GALNT18: variants seen among roughly 807,000 people sequenced by gnomAD.
GALNT18 encodes polypeptide N-acetylgalactosaminyltransferase 18, also known as GalNAc-transferase 18.
Under a neutral mutation model 69.5 loss-of-function variants are expected in GALNT18, and 44 were observed. The ratio of observed to expected loss-of-function variants is 0.63; its 90% CI spans 0.50 to 0.81. The LOEUF (loss-of-function observed/expected upper bound fraction) is 0.81, where lower values mean the gene tolerates loss of function less well. GALNT18 is among the 40% of genes least tolerant of loss of function. The probability of loss-of-function intolerance (pLI) is 0.00; values close to 1 mark genes in which losing one functional copy is unlikely to be tolerated. For synonymous variants in GALNT18, 364 were observed against 318.2 expected, an observed-to-expected ratio of 1.14 and a Z score of -1.53; for missense variants, 715 against 810.0, an observed-to-expected ratio of 0.88 and a Z score of 1.42.
intron 2 of GALNT18, among the ~76,000 whole-genome samples, chr11:11,441,687 G>A (rs1855534514): frequency 6.6e-6 from 1 of 152,190 alleles, no homozygotes; most frequent in South Asian, 2.1e-4. Context: ...CACACAGTAA[G>A]CGAGCAGGTG....
At chr11:11,298,401 G>A (rs1290696680) in intron 9 of GALNT18, among the ~76,000 whole-genome samples, 1 of 152,390 alleles carries the variant, frequency 6.6e-6, no homozygotes, top group East Asian at 1.9e-4. Context: ...CAGGTAGGCA[G>A]TTGCTCTCTC....
At chr11:11,284,341 T>A (rs1489297392) in intron 10 of GALNT18, among the ~76,000 whole-genome samples, 1 of 152,210 alleles carries the variant, frequency 6.6e-6, no homozygotes, top group Non-Finnish European at 1.5e-5. Flanking sequence ...GTGGGCTTTT[T>A]AAACTATAGA....
In GALNT18 at chr11:11,540,518, C is replaced by G. The variant is rs183502804; in HGVS notation, c.235+80841G>C. ...AGTTTCATTAGAAACTTTGGAATCACGGCAATCATATAAGTAATACTGAGG... is the reference window on the plus strand; with the variant it reads ...AGTTTCATTAGAAACTTTGGAATCAGGGCAATCATATAAGTAATACTGAGG... On this transcript the variant is annotated intron_variant, in intron 1 of 10. Transcript: ENST00000227756. The surrounding 1 kb of genome is among the most constrained non-coding windows in gnomAD (Gnocchi z 4.6). Among the ~76,000 whole-genome samples, 1 of 152,236 alleles carries G rather than the reference C, an allele frequency of 6.6e-6. No individual in the cohort carries two copies. Among genetic ancestry groups the G allele is most frequent in the African/African-American group, 2.4e-5 (1 of 41,538 alleles).
At chr11:11,303,103 C>T (rs1365771556) in intron 9 of GALNT18, among the ~76,000 whole-genome samples, 1 of 152,202 alleles carries the variant, frequency 6.6e-6, no homozygotes, top group African/African-American at 2.4e-5. Flanking sequence ...CAGCCCTGGC[C>T]ATGTGAACAA....
Position 11,477,463 on chromosome 11 carries a change from C to A in GALNT18, c.236-28527G>T, listed in dbSNP as rs1856426631. Among the ~76,000 whole-genome samples, 5 of 152,304 alleles carry A rather than the reference C, an allele frequency of 3.3e-5. No homozygotes were observed. The South Asian group carries it at 1.0e-3, about 32-fold the overall frequency. ...TCTGCCTGGGCCTGCAGGCACAAGGCCACTTCAAGACAGTATCAGTCAAGT... is the reference window on the plus strand; with the variant it reads ...TCTGCCTGGGCCTGCAGGCACAAGGACACTTCAAGACAGTATCAGTCAAGT... On this transcript the variant is annotated intron_variant, in intron 1 of 10. Coordinates refer to ENST00000227756, the MANE Select transcript of GALNT18 (RefSeq NM_198516.3).
intron 6 of GALNT18, chr11:11,353,428 T>C: frequency 2.1e-6 from 1 of 486,158 alleles, no homozygotes; most frequent in South Asian, 2.8e-5. Flanking sequence ...GTTAAGTCCC[T>C]TTCAATTGCT....
rs80000890 is a variant in GALNT18 at position 11,444,051 on chromosome 11, C to A, written c.428+4693G>T. ...ATTCTGCCTATCCATGAAGCCAGGACCCCCCAAAGTTCAAAGATCCCAGAT... is the reference window on the plus strand; with the variant it reads ...ATTCTGCCTATCCATGAAGCCAGGAACCCCCAAAGTTCAAAGATCCCAGAT... On this transcript the variant is annotated intron_variant, in intron 2 of 10. Coordinates refer to ENST00000227756, the MANE Select transcript of GALNT18 (RefSeq NM_198516.3). The surrounding 1 kb of genome is among the most constrained non-coding windows in gnomAD (Gnocchi z 4.4). 6.6e-6 allele frequency among the ~76,000 whole-genome samples: 1 copy of A among 152,120 alleles called. No individual in the cohort carries two copies. The highest frequency in any genetic ancestry group is 1.5e-5 in the Non-Finnish European group (1 of 68,022).
At chr11:11,447,428 T>C (rs547257104) in intron 2 of GALNT18, among the ~76,000 whole-genome samples, 29 of 152,350 alleles carry the variant, frequency 1.9e-4, no homozygotes, top group Non-Finnish European at 3.2e-4. Context: ...TTTGTTTTGT[T>C]TACTCTCTGC....
chr11:11,426,801 A>G (rs1855143691), intron 3 of GALNT18, among the ~76,000 whole-genome samples: 1 of 152,152 alleles, frequency 6.6e-6, no homozygotes, highest in Admixed American at 6.5e-5. Flanking sequence ...GTAAAGGCCT[A>G]AAGAGGAAAA....
chr11:11,590,514 T>C lies in GALNT18; in HGVS notation c.235+30845A>G, dbSNP rs1042143119. Among the ~76,000 whole-genome samples the C allele has an allele frequency of 6.6e-6, 1 of 152,216 alleles. No individual in the cohort carries two copies. Among genetic ancestry groups the C allele is most frequent in the African/African-American group, 2.4e-5 (1 of 41,470 alleles). ...AGGCACCAACCAATCAGAAGGACAC[T>C]GGCTGTTCTGCTGCATCAGTGCAAC... On this transcript the variant is annotated intron_variant, in intron 1 of 10. Coordinates refer to ENST00000227756, the MANE Select transcript of GALNT18 (RefSeq NM_198516.3). The surrounding 1 kb of genome is among the most constrained non-coding windows in gnomAD (Gnocchi z 4.4).
chr11:11,443,077 C>T (rs1855568114), intron 2 of GALNT18, among the ~76,000 whole-genome samples: 1 of 152,212 alleles, frequency 6.6e-6, no homozygotes, highest in Non-Finnish European at 1.5e-5. Flanking sequence ...TCCTGTGCCC[C>T]TTGTTTGGAA....
At chr11:11,549,738 A>T (rs535385924) in intron 1 of GALNT18, among the ~76,000 whole-genome samples, 63 of 152,362 alleles carry the variant, frequency 4.1e-4, no homozygotes, top group African/African-American at 1.4e-3. Context: ...TTCTAGCTAC[A>T]ACCCTAGTGG....
chr11:11,548,891 C>T (rs1435497076), intron 1 of GALNT18, among the ~76,000 whole-genome samples: 1 of 152,218 alleles, frequency 6.6e-6, no homozygotes, highest in African/African-American at 2.4e-5. Context: ...GCTTCATCTA[C>T]ACTTTCACTC....
rs563335580 is a variant in GALNT18 at position 11,320,894 on chromosome 11, C to A, written c.1512+6192G>T. Among the ~76,000 whole-genome samples, 1 of 152,168 alleles carries A rather than the reference C, an allele frequency of 6.6e-6. No homozygotes were observed. The highest frequency in any genetic ancestry group is 2.1e-4 in the South Asian group (1 of 4,820). On this transcript the variant is annotated intron_variant, in intron 9 of 10. Transcript: ENST00000227756. The surrounding 1 kb of genome is among the most constrained non-coding windows in gnomAD (Gnocchi z 4.9). ...TGTGTAATCTGAGGCTGGTCCCAAA[C>A]CTCCCTACACAGCACTGCTAGTTGT...
chr11:11,276,755 T>C (rs1263956962), intron 10 of GALNT18, among the ~76,000 whole-genome samples: 2 of 152,250 alleles, frequency 1.3e-5, no homozygotes, highest in African/African-American at 4.8e-5. Context: ...CTTTTCTGCA[T>C]CTATTGAAAT....
At chr11:11,334,071 T>C (rs1383780548) in intron 7 of GALNT18, among the ~76,000 whole-genome samples, 1 of 152,142 alleles carries the variant, frequency 6.6e-6, no homozygotes, top group Non-Finnish European at 1.5e-5. Context: ...TCACCGACAC[T>C]GTGGTCCATA....
chr11:11,607,489 T>C (rs868122623), intron 1 of GALNT18, among the ~76,000 whole-genome samples: 8 of 152,188 alleles, frequency 5.3e-5, no homozygotes, highest in African/African-American at 1.9e-4. Context: ...TATAAAAAAG[T>C]ATGGAATGTA....
Position 11,276,372 on chromosome 11 carries a change from T to G in GALNT18, c.1678-5082A>C, listed in dbSNP as rs142314521. On this transcript the variant is annotated intron_variant, in intron 10 of 10. Transcript: ENST00000227756. ...AGGAATGCTTGTGATTTTTGCACAT[T>G]GATTTTGTATCCTGAGACTTTGCTG... 9.0e-3 allele frequency among the ~76,000 whole-genome samples: 1,374 copies of G among 152,344 alleles called. 9 individuals carry two copies. Among genetic ancestry groups the G allele is most frequent in the South Asian group, 0.018 (87 of 4,826 alleles).
In GALNT18 at chr11:11,332,611, G is replaced by A. The variant is rs531978590; in HGVS notation, c.1416+83C>T. 6.6e-7 allele frequency: 1 copy of A among 1,509,186 alleles called. No individual in the cohort carries two copies. The highest frequency in any genetic ancestry group is 1.2e-5 in the South Asian group (1 of 85,640). The allele number at this position is 1,509,186 out of a possible 1,614,324, so 93.5% of individuals were successfully genotyped here. The stretch of plus-strand genomic sequence containing the variant: ...CAGTTCTTCATGTGAGCAGCTGAGA[G>A]GCTCTTTCCCTCCTCTCCCTTTCTT... On this transcript the variant is annotated intron_variant, in intron 8 of 10. Coordinates refer to ENST00000227756, the MANE Select transcript of GALNT18 (RefSeq NM_198516.3). This position sits in a 1 kb window ranked among gnomAD's most constrained non-coding sequence, Gnocchi z 4.3.
Sources: gnomAD v4.1 joint callset for allele counts (sites outside exome capture counted in the v4.1 genomes callset) on GRCh38, gnomAD v4.1.1 for gene constraint, Gnocchi (gnomAD v3.1) non-coding constraint, MANE v1.5 for transcripts, NCBI Gene and HGNC (gene_info 2026-07-23, HGNC 2026-07-21) for gene names.